The following FER1L5 variants were observed in gnomAD, a reference collection of about 807,000 sequenced individuals.
The protein encoded by FER1L5 is fer-1-like protein 5.
A neutral mutation model predicts 279.9 loss-of-function variants in FER1L5; 187 were observed. The ratio of observed to expected loss-of-function variants is 0.67; its 90% CI spans 0.59 to 0.75. The LOEUF is 0.75. Ranked by LOEUF, FER1L5 falls within the 30% of genes least tolerant of loss-of-function variation. The pLI is 0.00. For synonymous variants in FER1L5, 921 were observed against 989.7 expected (o/e 0.93, Z 1.30); for missense variants, 2,091 against 2,594.4 (o/e 0.81, Z 4.21).
intron 18 of FER1L5, among the ~76,000 whole-genome samples, chr2:96,670,954 A>G (rs1194794100): frequency 6.7e-6 from 1 of 149,994 alleles, no homozygotes; most frequent in Non-Finnish European, 1.5e-5. Context: ...AAAAAATACA[A>G]AAATTACCCA....
At chr2:96,647,445 T>C (rs1420397354) in intron 3 of FER1L5, among the ~76,000 whole-genome samples, 1 of 152,158 alleles carries the variant, frequency 6.6e-6, no homozygotes, top group Non-Finnish European at 1.5e-5. Context: ...CCTCATCTAG[T>C]GCCCAGCTGA....
At chr2:96,669,507 G>C (rs2076246225) in intron 17 of FER1L5, among the ~76,000 whole-genome samples, 1 of 152,202 alleles carries the variant, frequency 6.6e-6, no homozygotes, top group African/African-American at 2.4e-5. Flanking sequence ...CTTAAACCCA[G>C]GGAAAAACAA....
intron 24 of FER1L5, chr2:96,688,984 T>C: frequency 1.9e-6 from 1 of 519,530 alleles, no homozygotes; most frequent in Non-Finnish European, 3.4e-6. Flanking sequence ...GATATCTCTG[T>C]CCACACATGC....
In FER1L5 at chr2:96,663,446, C is replaced by T; in HGVS notation, c.1079C>T (p.Thr360Ile). 1 of 1,551,622 alleles carries T rather than the reference C, an allele frequency of 6.4e-7. No homozygotes were observed. Among genetic ancestry groups the T allele is most frequent in the Admixed American group, 2.0e-5 (1 of 50,988 alleles). Residue 360 changes from threonine to isoleucine, a missense_variant, in exon 14 of 53, where the codon ACA (threonine) becomes ATA (isoleucine). Transcript: ENST00000624922. ...TGCTTTGGGACATTCCAGCTCAGGA[C>T]ACACATGCAGACCCAAACCGACAAC... ...EVELIGEKLRTHMQTQTDNPI... is the reference protein window; with the variant it reads ...EVELIGEKLRIHMQTQTDNPI...
chr2:96,704,170 A>C (rs777640908), intron 51 of FER1L5, 45 bp from the exon 52 acceptor site: 2 of 1,605,220 alleles, frequency 1.2e-6, no homozygotes, highest in East Asian at 4.5e-5. Flanking sequence ...CTTGACCTGA[A>C]GGTTCTCCCT....
At chr2:96,675,890 T>C (rs1423989572) in intron 19 of FER1L5, among the ~76,000 whole-genome samples, 1 of 152,208 alleles carries the variant, frequency 6.6e-6, no homozygotes, top group African/African-American at 2.4e-5. Context: ...CCCAAAGTGC[T>C]GGTATTACAA....
At chr2:96,644,910 C>T (rs1201075418) in intron 1 of FER1L5, among the ~76,000 whole-genome samples, 1 of 152,162 alleles carries the variant, frequency 6.6e-6, no homozygotes, top group Non-Finnish European at 1.5e-5. Flanking sequence ...AGCCATCTTC[C>T]CCACCACCTC....
chr2:96,690,405 C>T (rs1467904634), intron 26 of FER1L5, 82 bp from the exon 27 acceptor site: 4 of 1,304,272 alleles, frequency 3.1e-6, no homozygotes, highest in Non-Finnish European at 4.3e-6. Context: ...AGCAGGCACG[C>T]ACACAGGTGT....
intron 14 of FER1L5, among the ~76,000 whole-genome samples, chr2:96,667,187 A>G (rs565319715): frequency 3.3e-5 from 5 of 152,176 alleles, no homozygotes; most frequent in African/African-American, 9.6e-5. Context: ...TCAGGAACTC[A>G]ACCTCTCTGA....
intron 19 of FER1L5, among the ~76,000 whole-genome samples, chr2:96,684,014 G>C (rs2076829746): frequency 6.6e-6 from 1 of 152,210 alleles, no homozygotes; most frequent in South Asian, 2.1e-4. Flanking sequence ...TCTGGAGCTA[G>C]GCGCCTGCGT....
Position 96,644,692 on chromosome 2 carries a change from A to G in FER1L5, c.86-1709A>G, listed in dbSNP as rs536311987. On this transcript the variant is annotated intron_variant, in intron 1 of 52. Transcript: ENST00000624922. ...GTAATGAATGGAATTTCTTTATTTTATGCTGTTGTTCTGTGAAACTATGCT... is the reference window on the plus strand; with the variant it reads ...GTAATGAATGGAATTTCTTTATTTTGTGCTGTTGTTCTGTGAAACTATGCT... 2.6e-5 allele frequency among the ~76,000 whole-genome samples: 4 copies of G among 152,324 alleles called. No individual in the cohort carries two copies. In the South Asian group the frequency reaches 8.3e-4, roughly 32 times the overall value.
chr2:96,647,228 A>G (rs1045921698), intron 3 of FER1L5, 73 bp downstream of exon 3: 2 of 1,443,622 alleles, frequency 1.4e-6, no homozygotes, highest in East Asian at 2.5e-5. Flanking sequence ...CCTTGTCTCT[A>G]ATCCATAACT....
chr2:96,651,897 A>G lies in FER1L5; in HGVS notation c.510A>G (p.Arg170=). ...CCCATGTGTTCCGCCCTTAGGTTCGAGTGAAGGTGTTTGAAGCCCGACAGC... is the reference window on the plus strand; with the variant it reads ...CCCATGTGTTCCGCCCTTAGGTTCGGGTGAAGGTGTTTGAAGCCCGACAGC... ...LSSKPQHFQV[R]VKVFEARQLM... The change falls in exon 7 of 53, where the codon CGA becomes CGG. Residue 170 remains arginine, a synonymous_variant. Coordinates refer to ENST00000624922, the MANE Select transcript of FER1L5 (RefSeq NM_001293083.2). The G allele has an allele frequency of 6.4e-7, 1 of 1,552,084 alleles. No individual in the cohort carries two copies. The highest frequency in any genetic ancestry group is 8.7e-7 in the Non-Finnish European group (1 of 1,147,060).
intron 19 of FER1L5, among the ~76,000 whole-genome samples, chr2:96,678,457 A>G (rs1226776276): frequency 7.2e-6 from 1 of 138,934 alleles, no homozygotes; most frequent in Non-Finnish European, 1.6e-5. Flanking sequence ...TCTTTGAGAC[A>G]GGGTCTCGCT....
intron 50 of FER1L5, 49 bp downstream of exon 50, chr2:96,703,395 C>A: frequency 6.3e-7 from 1 of 1,596,202 alleles, no homozygotes; most frequent in Non-Finnish European, 8.5e-7. Flanking sequence ...GCCACATGTC[C>A]TGGCTCTAAC....
chr2:96,689,801 G>T lies in FER1L5; in HGVS notation c.2640+43G>T, dbSNP rs2077071889. On this transcript the variant is annotated intron_variant, in intron 26 of 52. Coordinates refer to ENST00000624922, the MANE Select transcript of FER1L5 (RefSeq NM_001293083.2). The surrounding 1 kb of genome is among the most constrained non-coding windows in gnomAD (Gnocchi z 4.6). Reference sequence around the variant, plus strand: ...TGCCTCGGGTTAGGGGGCAAGCAAGGCCACCAGGCGGGGCGCCTTGGAAGC... The same window carrying T: ...TGCCTCGGGTTAGGGGGCAAGCAAGTCCACCAGGCGGGGCGCCTTGGAAGC... 4.1e-6 allele frequency: 6 copies of T among 1,472,018 alleles called. No individual in the cohort carries two copies. In the South Asian group the frequency reaches 7.9e-5, roughly 19 times the overall value. The allele number at this position is 1,472,018 out of a possible 1,614,324, so 91.2% of individuals were successfully genotyped here.
rs1160625484 is a variant in FER1L5 at position 96,663,507 on chromosome 2, G to GGTAT, written c.1140+2_1140+5dup. On this transcript the variant is annotated frameshift_variant and splice_region_variant. Coordinates refer to ENST00000624922, the MANE Select transcript of FER1L5 (RefSeq NM_001293083.2). LOFTEE classifies it high-confidence loss of function. ...ACCAGATCCTGACCTTCCGGATTCA[G>GGTAT]GTATGGCTCCTCCATCATGCCCACC... 8.4e-6 allele frequency: 13 copies of GGTAT among 1,551,442 alleles called. No individual in the cohort carries two copies. Among genetic ancestry groups the GGTAT allele is most frequent in the Non-Finnish European group, 1.1e-5 (13 of 1,146,918 alleles).
intron 14 of FER1L5, among the ~76,000 whole-genome samples, chr2:96,666,044 G>T (rs2076115177): frequency 6.6e-6 from 1 of 151,768 alleles, no homozygotes; most frequent in Non-Finnish European, 1.5e-5. Flanking sequence ...TTGGATACTG[G>T]CCTGATTGCC....
rs1484156953 is a variant in FER1L5, at chr2:96,698,759, T to G, written c.4445T>G (p.Phe1482Cys). Reference sequence around the variant, plus strand: ...TTGGTTTGGCCAGAGAGAGAGGACTTCCCCCAGCCGTGCTTGGTGCGGGTG... The same window carrying G: ...TTGGTTTGGCCAGAGAGAGAGGACTGCCCCCAGCCGTGCTTGGTGCGGGTG... Reference protein sequence around the residue: ...QFLVWPEREDFPQPCLVRVYM... With the variant: ...QFLVWPEREDCPQPCLVRVYM... The change falls in exon 41 of 53, where the codon TTC becomes TGC. Residue 1482 changes from phenylalanine to cysteine, a missense_variant. Phe to Cys is a radical substitution (Grantham distance 205). Coordinates refer to ENST00000624922, the MANE Select transcript of FER1L5 (RefSeq NM_001293083.2). The surrounding 1 kb of genome is among the most constrained non-coding windows in gnomAD (Gnocchi z 5.5). The G allele has an allele frequency of 6.4e-7, 1 of 1,569,886 alleles. No homozygotes were observed. The highest frequency in any genetic ancestry group is 8.6e-7 in the Non-Finnish European group (1 of 1,158,236).
Sources: allele counts gnomAD v4.1 joint callset (sites outside exome capture counted in the v4.1 genomes callset), GRCh38; gene constraint gnomAD v4.1.1; non-coding constraint Gnocchi (gnomAD v3.1); transcripts MANE v1.5; gene names NCBI Gene and HGNC (gene_info 2026-07-23, HGNC 2026-07-21).